The following DROSHA variants were observed in gnomAD, a reference collection of about 807,000 sequenced individuals.
The protein encoded by DROSHA is ribonuclease 3.
In DROSHA, 56 loss-of-function variants were observed where a neutral mutation model predicts 181.9. That is an observed-to-expected ratio of 0.31 (90% CI 0.25 to 0.38). The LOEUF (loss-of-function observed/expected upper bound fraction) is 0.38. DROSHA is among the 10% of genes least tolerant of loss of function. DROSHA has a pLI of 1.00. For synonymous variants in DROSHA, 524 were observed against 591.2 expected (o/e 0.89, Z 1.65); for missense variants, 1,218 against 1,743.5 (o/e 0.70, Z 5.37).
intron 13 of DROSHA, among the ~76,000 whole-genome samples, chr5:31,487,601 AG>A (rs1298998713): frequency 6.6e-5 from 10 of 152,248 alleles, no homozygotes; most frequent in African/African-American, 2.4e-4. Context: ...GATTTTATAC[AG>A]ATGTAATCAT....
At chr5:31,526,988 G>C (rs1740674509) in intron 4 of DROSHA, 76 bp from the exon 5 acceptor site, 2 of 1,358,630 alleles carry the variant, frequency 1.5e-6, no homozygotes, top group Non-Finnish European at 2.0e-6. Context: ...TTTCATAAAT[G>C]CCTGACCATC....
At chr5:31,451,448 G>A in intron 21 of DROSHA, 85 bp downstream of exon 21, 1 of 1,139,744 alleles carries the variant, frequency 8.8e-7, no homozygotes, top group East Asian at 2.6e-5. Context: ...TCCCAGGATA[G>A]AGAACCCAAT....
intron 23 of DROSHA, among the ~76,000 whole-genome samples, chr5:31,439,068 T>G (rs145497178): frequency 2.6e-5 from 4 of 152,112 alleles, no homozygotes; most frequent in Admixed American, 2.6e-4. Flanking sequence ...ATCTGTGAAG[T>G]GGTGGAGACA....
At chr5:31,502,194 C>T (rs892015406) in intron 11 of DROSHA, among the ~76,000 whole-genome samples, 1 of 152,354 alleles carries the variant, frequency 6.6e-6, no homozygotes, top group South Asian at 2.1e-4. Context: ...AACAGCTGCC[C>T]GCACTGAGGA....
intron 10 of DROSHA, among the ~76,000 whole-genome samples, chr5:31,507,821 A>C (rs1003101346): frequency 6.6e-6 from 1 of 152,214 alleles, no homozygotes; most frequent in Non-Finnish European, 1.5e-5. Context: ...CAAGTTTTAA[A>C]ATGCATTGGC....
At chr5:31,452,717 TC>T (rs1430084220) in intron 20 of DROSHA, among the ~76,000 whole-genome samples, 3 of 152,210 alleles carry the variant, frequency 2.0e-5, no homozygotes, top group Admixed American at 2.0e-4. Context: ...AAAGATTCAT[TC>T]TACCAAATAG....
At chr5:31,484,128 T>G (rs1751404082) in intron 15 of DROSHA, among the ~76,000 whole-genome samples, 1 of 151,972 alleles carries the variant, frequency 6.6e-6, no homozygotes, top group East Asian at 1.9e-4. Context: ...TCCCAGCACT[T>G]TGGGAGGCCG....
rs11341915 is a variant in DROSHA, at chr5:31,483,646, GAAA to G, written c.1997-21_1997-19del. 5,113 of 1,221,698 alleles carry G rather than the reference GAAA, an allele frequency of 4.2e-3. No homozygotes were observed. The highest frequency in any genetic ancestry group is 7.5e-3 in the East Asian group (284 of 38,002). 75.7% of individuals were successfully genotyped at this position (1,221,698 alleles called of 1,614,324 possible). A position where few individuals can be genotyped will look rare whatever the true frequency, so the allele number is the denominator to read the frequency against. ...CAAAGGACCTGAAGCAAACAAATGAGAAAAAAAAAAAAAAAAGAAAACTCAGTC... is the reference window on the plus strand; with the variant it reads ...CAAAGGACCTGAAGCAAACAAATGAGAAAAAAAAAAAAAGAAAACTCAGTC... On this transcript the variant is annotated intron_variant, in intron 15 of 35. Transcript: ENST00000344624.
intron 35 of DROSHA, among the ~76,000 whole-genome samples, chr5:31,403,842 C>T (rs1477081358): frequency 1.3e-5 from 2 of 152,106 alleles, no homozygotes; most frequent in African/African-American, 4.8e-5. Flanking sequence ...TGGGATATAC[C>T]ACAATTTATT....
At chr5:31,406,604 T>C (rs1740690253) in intron 34 of DROSHA, among the ~76,000 whole-genome samples, 1 of 152,214 alleles carries the variant, frequency 6.6e-6, no homozygotes, top group South Asian at 2.1e-4. Context: ...GCAGACCTTC[T>C]TGCCAGGTAA....
intron 11 of DROSHA, among the ~76,000 whole-genome samples, chr5:31,502,678 C>A (rs566134194): frequency 6.6e-6 from 1 of 152,242 alleles, no homozygotes; most frequent in Admixed American, 6.5e-5. Context: ...ACCAGCTCCC[C>A]TCCCTCAGCT....
chr5:31,487,936 G>A (rs1751970185), intron 13 of DROSHA, among the ~76,000 whole-genome samples: 1 of 152,002 alleles, frequency 6.6e-6, no homozygotes, highest in African/African-American at 2.4e-5. Context: ...AGGTTCATAG[G>A]TACTCTAAAA....
chr5:31,491,023 G>A lies in DROSHA; in HGVS notation c.1842+2184C>T, dbSNP rs116025092. ...TCTCAGGCCAAACCTTGTGCTGGGG[G>A]ATGTTTTTAAAAATGATGTTTTCTA... is the stretch of plus-strand genomic sequence containing the variant. On this transcript the variant is annotated intron_variant, in intron 13 of 35. Coordinates refer to ENST00000344624, the MANE Select transcript of DROSHA (RefSeq NM_001382508.1). 8.7e-3 allele frequency among the ~76,000 whole-genome samples: 1,323 copies of A among 152,210 alleles called. 16 individuals carry two copies. The highest frequency in any genetic ancestry group is 0.015 in the Non-Finnish European group (1,035 of 68,012).
intron 34 of DROSHA, among the ~76,000 whole-genome samples, chr5:31,406,117 G>C (rs191268398): frequency 8.5e-5 from 13 of 152,224 alleles, no homozygotes; most frequent in Admixed American, 8.5e-4. Flanking sequence ...TTAAGATACA[G>C]ACTGGAGAGT....
intron 11 of DROSHA, among the ~76,000 whole-genome samples, chr5:31,496,806 C>G (rs529654839): frequency 1.5e-4 from 23 of 152,362 alleles, no homozygotes; most frequent in Non-Finnish European, 3.4e-4. Flanking sequence ...GAGTTACAGT[C>G]CAGTTCCTGT....
rs372636325 is a variant in DROSHA at position 31,464,523 on chromosome 5, T to C, written c.2467-180A>G. Reference sequence around the variant, plus strand: ...AATGGAGGCTGGAATGCTCAAAGCTTGGGGTATAACACAGCCCAGCCTTTC... The same window carrying C: ...AATGGAGGCTGGAATGCTCAAAGCTCGGGGTATAACACAGCCCAGCCTTTC... On this transcript the variant is annotated intron_variant, in intron 19 of 35. Coordinates refer to ENST00000344624, the MANE Select transcript of DROSHA (RefSeq NM_001382508.1). 1.8e-4 allele frequency among the ~76,000 whole-genome samples: 27 copies of C among 148,932 alleles called. No homozygotes were observed. The East Asian group carries it at 3.3e-3, about 18-fold the overall frequency.
intron 23 of DROSHA, among the ~76,000 whole-genome samples, chr5:31,440,831 A>T (rs1348463700): frequency 6.6e-6 from 1 of 152,130 alleles, no homozygotes; most frequent in African/African-American, 2.4e-5. Context: ...GTCTAAACCC[A>T]TCTGGTTTTC....
chr5:31,487,727 A>G lies in DROSHA; in HGVS notation c.1843-1165T>C. 1.3e-5 allele frequency among the ~76,000 whole-genome samples: 2 copies of G among 152,216 alleles called. 1 individual carries two copies. Among genetic ancestry groups the G allele is most frequent in the Non-Finnish European group, 2.9e-5 (2 of 68,032 alleles). The stretch of plus-strand genomic sequence containing the variant: ...GCCATCTACTGGAAATCCTTTTCTC[A>G]GATACAAAGTTTAGTTCTTGGGGGC... On this transcript the variant is annotated intron_variant, in intron 13 of 35. Transcript: ENST00000344624.
chr5:31,401,926 G>A lies in DROSHA; in HGVS notation c.3995-364C>T, dbSNP rs73073880. Among the ~76,000 whole-genome samples the A allele has an allele frequency of 6.2e-3, 950 of 152,196 alleles. 9 individuals are homozygous for A. The highest frequency in any genetic ancestry group is 0.022 in the African/African-American group (912 of 41,528). On this transcript the variant is annotated intron_variant, in intron 35 of 35. Transcript: ENST00000344624. ...AGGTGACTTTCTGGGAGAGATGAAA[G>A]GATACAGTAAAATGGAGTCACAGTT...
Sources: allele counts gnomAD v4.1 joint callset (sites outside exome capture counted in the v4.1 genomes callset), GRCh38; gene constraint gnomAD v4.1.1; transcripts MANE v1.5; gene names NCBI Gene and HGNC (gene_info 2026-07-23, HGNC 2026-07-21).